Variants in FBLN1 observed in about 807,000 individuals in gnomAD.
The protein encoded by FBLN1 is fibulin-1.
Under a neutral mutation model 89.7 loss-of-function variants are expected in FBLN1, and 34 were observed. The observed-to-expected ratio is 0.38, with a 90% CI of 0.29 to 0.50. The LOEUF (loss-of-function observed/expected upper bound fraction) is 0.50, where lower values mean the gene tolerates loss of function less well. Ranked by LOEUF, FBLN1 falls within the 20% of genes least tolerant of loss-of-function variation. FBLN1 has a pLI of 0.92. For missense variants in FBLN1, 777 were observed against 988.1 expected (o/e 0.79, Z 2.86); for synonymous variants, 393 against 391.3 (o/e 1.00, Z -0.05).
chr22:45,526,430 C>T (rs963603605), intron 3 of FBLN1, among the ~76,000 whole-genome samples: 1 of 152,216 alleles, frequency 6.6e-6, no homozygotes, highest in Non-Finnish European at 1.5e-5. Context: ...TACCACCCAG[C>T]CAGCAAGGAA....
At chr22:45,553,671 A>T (rs2088735480) in intron 14 of FBLN1, among the ~76,000 whole-genome samples, 1 of 152,238 alleles carries the variant, frequency 6.6e-6, no homozygotes, top group South Asian at 2.1e-4. Flanking sequence ...CTCTTTGTCC[A>T]GAAGGAGCCA....
At position 45,568,728 on chromosome 22, in the gene FBLN1, A is replaced by G. The variant is rs141967547; in HGVS notation, c.1698-5783A>G. Among the ~76,000 whole-genome samples, 49 of 70,934 alleles carry G rather than the reference A, an allele frequency of 6.9e-4. 5 individuals are homozygous for G. Among genetic ancestry groups the G allele is most frequent in the African/African-American group, 2.0e-3 (29 of 14,324 alleles). 46.5% of individuals were successfully genotyped at this position (70,934 alleles called of 152,430 possible). On this transcript the variant is annotated intron_variant, in intron 14 of 16. Transcript: ENST00000327858. ...AGGGGAGTGCTCCTTCTGTAGGAGA[A>G]TGCTCCTGTAGGGGACTTCTGTAGG... is the stretch of plus-strand genomic sequence containing the variant.
chr22:45,540,367 T>A, intron 8 of FBLN1, among the ~76,000 whole-genome samples: 1 of 152,138 alleles, frequency 6.6e-6, no homozygotes, highest in East Asian at 1.9e-4. Flanking sequence ...AAACTGTAAA[T>A]TGCTGCACGG....
chr22:45,561,092 C>T lies in FBLN1; in HGVS notation c.1697+10477C>T, dbSNP rs186478376. On this transcript the variant is annotated intron_variant, in intron 14 of 16. Transcript: ENST00000327858. This position sits in a 1 kb window ranked among gnomAD's most constrained non-coding sequence, Gnocchi z 4.7. The stretch of plus-strand genomic sequence containing the variant: ...GTCCCCAGCTTCATCAGGCTCCTCC[C>T]ACATGTCCCCATTCCAAGTTGCAGG... Among the ~76,000 whole-genome samples the T allele has an allele frequency of 3.9e-5, 6 of 152,340 alleles. No homozygotes were observed. The highest frequency in any genetic ancestry group is 3.9e-4 in the Admixed American group (6 of 15,300).
Position 45,537,280 on chromosome 22 carries a change from G to C in FBLN1, c.922+1943G>C, listed in dbSNP as rs1930426845. On this transcript the variant is annotated intron_variant, in intron 8 of 16. Transcript: ENST00000327858. The surrounding 1 kb of genome is among the most constrained non-coding windows in gnomAD (Gnocchi z 5.7). ...TTTGAAATAGTGGTTTGGAGAGAGA[G>C]CTCTTCCCCCACTGCATTATTTTTA... Among the ~76,000 whole-genome samples, 1 of 152,186 alleles carries C rather than the reference G, an allele frequency of 6.6e-6. No individual in the cohort carries two copies.
chr22:45,566,370 C>T (rs8138513), intron 14 of FBLN1, among the ~76,000 whole-genome samples: 1,766 of 152,278 alleles, frequency 0.012, 18 homozygotes, highest in Non-Finnish European at 0.014. Context: ...TCGACGTTTG[C>T]GTGTGTGCCT....
intron 16 of FBLN1, among the ~76,000 whole-genome samples, chr22:45,596,447 C>T (rs1052767397): frequency 3.3e-5 from 5 of 152,240 alleles, no homozygotes; most frequent in South Asian, 2.1e-4. Flanking sequence ...ACGTAGCATG[C>T]GCAGACCCTC....
At chr22:45,543,551 A>G (rs765649784) in intron 11 of FBLN1, 25 bp downstream of exon 11, 30 of 1,608,642 alleles carry the variant, frequency 1.9e-5, no homozygotes, top group Non-Finnish European at 2.5e-5. Flanking sequence ...CCGTCCACTC[A>G]CCTCCCCCAG....
Position 45,550,744 on chromosome 22 carries a change from A to T in FBLN1, c.1697+129A>T. On this transcript the variant is annotated intron_variant, in intron 14 of 16. Transcript: ENST00000327858. The surrounding 1 kb of genome is among the most constrained non-coding windows in gnomAD (Gnocchi z 8.4). ...CATGAGGGACTCAGGGCACTCAAAG[A>T]TCACCTGATCCCTGGCCCTCAAGCC... The T allele has an allele frequency of 7.5e-7, 1 of 1,328,772 alleles. No individual in the cohort carries two copies. Among genetic ancestry groups the T allele is most frequent in the South Asian group, 1.2e-5 (1 of 84,578 alleles). 82.3% of individuals were successfully genotyped at this position (1,328,772 alleles called of 1,614,324 possible). A position where few individuals can be genotyped will look rare whatever the true frequency, so the allele number is the denominator to read the frequency against.
At chr22:45,544,091 C>CT (rs150488621) in intron 11 of FBLN1, among the ~76,000 whole-genome samples, 86 of 145,958 alleles carry the variant, frequency 5.9e-4, no homozygotes, top group African/African-American at 9.4e-4. Context: ...CCTCTAACTT[C>CT]TTTTTTTTTT....
intron 14 of FBLN1, among the ~76,000 whole-genome samples, chr22:45,566,755 G>A (rs2088904516): frequency 6.6e-6 from 1 of 152,182 alleles, no homozygotes; most frequent in Non-Finnish European, 1.5e-5. Flanking sequence ...GATTCAGAGA[G>A]TTTGGAGGGA....
chr22:45,548,983 G>A (rs1010351142), intron 13 of FBLN1, among the ~76,000 whole-genome samples: 2 of 152,272 alleles, frequency 1.3e-5, no homozygotes, highest in South Asian at 4.1e-4. Flanking sequence ...AGCCTGTGGC[G>A]GCTGCATCCG....
At chr22:45,591,395 A>G (rs2089135085) in intron 16 of FBLN1, among the ~76,000 whole-genome samples, 1 of 148,850 alleles carries the variant, frequency 6.7e-6, no homozygotes, top group Non-Finnish European at 1.5e-5. Context: ...TTCCCTTCAT[A>G]TTTTTCCCCA....
In FBLN1 at chr22:45,561,027, C is replaced by T. The variant is rs2147010254; in HGVS notation, c.1697+10412C>T. Among the ~76,000 whole-genome samples the T allele has an allele frequency of 6.6e-6, 1 of 152,274 alleles. No homozygotes were observed. The highest frequency in any genetic ancestry group is 2.1e-4 in the South Asian group (1 of 4,824). On this transcript the variant is annotated intron_variant, in intron 14 of 16. Transcript: ENST00000327858. The surrounding 1 kb of genome is among the most constrained non-coding windows in gnomAD (Gnocchi z 4.7). ...GGATGGGGAAGCTGTTAAGCTGTTT[C>T]TTCTGGCAAAAAAGATTCATCAGAG...
At chr22:45,518,165 T>TTC (rs1357946302) in intron 1 of FBLN1, among the ~76,000 whole-genome samples, 1 of 152,006 alleles carries the variant, frequency 6.6e-6, no homozygotes, top group Admixed American at 6.6e-5. Context: ...AAATTTTTTT[T>TTC]TCCTTCTTAC....
Position 45,568,778 on chromosome 22 carries a change from GCTC to G in FBLN1, c.1698-5727_1698-5725del, listed in dbSNP as rs1569260420. On this transcript the variant is annotated intron_variant, in intron 14 of 16. Coordinates refer to ENST00000327858, the MANE Select transcript of FBLN1 (RefSeq NM_006486.3). Reference sequence around the variant, plus strand: ...GGGAGTGCTCCTTCTGTAAGGGAATGCTCCTCCTGTAAGGGAATGCCTCTTCTG... The same window carrying G: ...GGGAGTGCTCCTTCTGTAAGGGAATGCTCCTGTAAGGGAATGCCTCTTCTG... Among the ~76,000 whole-genome samples the G allele has an allele frequency of 9.8e-4, 46 of 46,804 alleles. 11 individuals are homozygous for G. The highest frequency in any genetic ancestry group is 3.6e-3 in the African/African-American group (34 of 9,374). The allele number at this position is 46,804 out of a possible 152,430, so 30.7% of individuals were successfully genotyped here.
chr22:45,512,404 C>T (rs1283431686), intron 1 of FBLN1, among the ~76,000 whole-genome samples: 2 of 152,020 alleles, frequency 1.3e-5, no homozygotes, highest in East Asian at 1.9e-4. Context: ...TCTGTTAGCC[C>T]CAGTCCCCTT....
At chr22:45,589,577 C>T (rs4823305) in intron 16 of FBLN1, among the ~76,000 whole-genome samples, 58,285 of 152,084 alleles carry the variant, frequency 0.38, 12,432 homozygotes, top group Admixed American at 0.53. Context: ...GGGCCCCTTT[C>T]TGCCCTGAAT....
In FBLN1 at chr22:45,575,166, G is replaced by T. The variant is rs1002530703; in HGVS notation, c.1840+513G>T. On this transcript the variant is annotated intron_variant, in intron 15 of 16. Coordinates refer to ENST00000327858, the MANE Select transcript of FBLN1 (RefSeq NM_006486.3). This position sits in a 1 kb window ranked among gnomAD's most constrained non-coding sequence, Gnocchi z 6.3. ...GCATTTGGCCCATTCTCAGCTTTCC[G>T]TTCAGGTGGTCTTTTCTTATGGGTA... is the stretch of plus-strand genomic sequence containing the variant. Among the ~76,000 whole-genome samples, 21 of 152,116 alleles carry T rather than the reference G, an allele frequency of 1.4e-4. No homozygotes were observed. Among genetic ancestry groups the T allele is most frequent in the African/African-American group, 4.6e-4 (19 of 41,422 alleles).
Sources: allele counts gnomAD v4.1 joint callset (sites outside exome capture counted in the v4.1 genomes callset), GRCh38; gene constraint gnomAD v4.1.1; non-coding constraint Gnocchi (gnomAD v3.1); transcripts MANE v1.5; gene names NCBI Gene and HGNC (gene_info 2026-07-23, HGNC 2026-07-21).